The following SEPTIN7 variants were observed in gnomAD, a reference collection of about 807,000 sequenced individuals.
The protein encoded by SEPTIN7 is septin 7.
A neutral mutation model predicts 63.3 loss-of-function variants in SEPTIN7; 10 were observed. That is an observed-to-expected ratio of 0.16 (90% CI 0.10 to 0.27). The LOEUF is 0.27. Ranked by LOEUF, SEPTIN7 falls within the 10% of genes least tolerant of loss-of-function variation. SEPTIN7 has a pLI of 1.00. For synonymous variants in SEPTIN7, 131 were observed against 165.3 expected, an observed-to-expected ratio of 0.79 and a Z score of 1.59; for missense variants, 310 against 521.0, an observed-to-expected ratio of 0.59 and a Z score of 3.94.
chr7:35,890,845 C>G, intron 11 of SEPTIN7, 52 bp downstream of exon 11: 1 of 1,326,924 alleles, frequency 7.5e-7, no homozygotes, highest in Non-Finnish European at 9.7e-7. Context: ...AGTCAATAAT[C>G]ATATTGTTTC....
chr7:35,853,296 T>C (rs1164432208), intron 3 of SEPTIN7, among the ~76,000 whole-genome samples: 1 of 152,058 alleles, frequency 6.6e-6, no homozygotes, highest in Non-Finnish European at 1.5e-5. Flanking sequence ...TGTGGTGGCA[T>C]GCACCTGTAG....
chr7:35,895,504 G>A (rs970099231), intron 11 of SEPTIN7, among the ~76,000 whole-genome samples: 3 of 152,124 alleles, frequency 2.0e-5, no homozygotes, highest in Admixed American at 6.5e-5. Flanking sequence ...ACACACATTT[G>A]CAGGTTTAAA....
At chr7:35,897,101 G>A (rs1474257025) in intron 11 of SEPTIN7, among the ~76,000 whole-genome samples, 1 of 152,052 alleles carries the variant, frequency 6.6e-6, no homozygotes, top group Non-Finnish European at 1.5e-5. Flanking sequence ...AAAGTTACGG[G>A]TGAAATCCAA....
chr7:35,863,528 GAT>G (rs1334002965), intron 3 of SEPTIN7, 22 bp from the exon 4 acceptor site: 1 of 1,431,804 alleles, frequency 7.0e-7, no homozygotes, highest in Non-Finnish European at 9.7e-7. Flanking sequence ...GAGTTTAACA[GAT>G]ATTTTCCCTT....
At chr7:35,885,482 C>G (rs1306694541) in intron 9 of SEPTIN7, among the ~76,000 whole-genome samples, 4 of 152,078 alleles carry the variant, frequency 2.6e-5, no homozygotes, top group Non-Finnish European at 5.9e-5. Flanking sequence ...AAGTGATTCT[C>G]CCTTCACTCA....
At chr7:35,890,501 GTGTAAA>G in intron 10 of SEPTIN7, 161 bp from the exon 11 acceptor site, 3 of 448,340 alleles carry the variant, frequency 6.7e-6, no homozygotes, top group African/African-American at 6.1e-5. Context: ...TTTACTTTGA[GTGTAAA>G]TGAAAACAGA....
At chr7:35,911,079 C>A (rs1788732779), downstream of SEPTIN7, among the ~76,000 whole-genome samples, 1 of 152,190 alleles carries the variant, frequency 6.6e-6, no homozygotes, top group Non-Finnish European at 1.5e-5. Flanking sequence ...AGGACCCCAA[C>A]TGTCACGAGC....
the SEPTIN7 span, among the ~76,000 whole-genome samples, chr7:35,915,019 A>G: frequency 6.6e-6 from 1 of 151,758 alleles, no homozygotes; most frequent in Non-Finnish European, 1.5e-5. Flanking sequence ...GTGTACATAT[A>G]TGTATACATG....
At chr7:35,898,924 T>G (rs528411662) in intron 12 of SEPTIN7, 2 of 152,392 alleles carry the variant, frequency 1.3e-5, no homozygotes, top group South Asian at 4.1e-4. Context: ...TAATGTAGTG[T>G]CAAGGTAGTT....
chr7:35,807,706 C>T (rs1346518220), intron 1 of SEPTIN7, among the ~76,000 whole-genome samples: 2 of 152,100 alleles, frequency 1.3e-5, no homozygotes, highest in Non-Finnish European at 2.9e-5. Context: ...CCACATTGGT[C>T]AGGCTGGTCT....
intron 12 of SEPTIN7, chr7:35,900,695 C>T (rs1386475780): frequency 2.0e-5 from 3 of 152,154 alleles, no homozygotes; most frequent in Non-Finnish European, 4.4e-5. Context: ...TATTTTAGGA[C>T]ATGTTGCTAA....
intron 10 of SEPTIN7, among the ~76,000 whole-genome samples, chr7:35,889,128 T>C (rs1787477388): frequency 6.6e-6 from 1 of 152,192 alleles, no homozygotes; most frequent in Non-Finnish European, 1.5e-5. Context: ...ATGGTCATGG[T>C]TGGAATGCTT....
chr7:35,856,247 T>C (rs1033218666), intron 3 of SEPTIN7, among the ~76,000 whole-genome samples: 1 of 152,214 alleles, frequency 6.6e-6, no homozygotes, highest in Non-Finnish European at 1.5e-5. Context: ...ATGTATTCTT[T>C]TTAGATTGGC....
chr7:35,843,250 TTG>T (rs1784496339), intron 3 of SEPTIN7, among the ~76,000 whole-genome samples: 2 of 152,214 alleles, frequency 1.3e-5, no homozygotes, highest in African/African-American at 2.4e-5. Flanking sequence ...CTTACCTCTC[TTG>T]TGCTGTGATG....
intron 6 of SEPTIN7, among the ~76,000 whole-genome samples, chr7:35,874,335 T>G (rs766776137): frequency 6.6e-6 from 1 of 152,168 alleles, no homozygotes; most frequent in Non-Finnish European, 1.5e-5. Flanking sequence ...GACCTAAGAA[T>G]CTAGACATTA....
intron 1 of SEPTIN7, among the ~76,000 whole-genome samples, chr7:35,816,400 T>A (rs535356939): frequency 4.6e-4 from 70 of 152,346 alleles, no homozygotes; most frequent in African/African-American, 1.7e-3. Context: ...GTAGCATGTC[T>A]CAGTAGTACT....
intron 3 of SEPTIN7, among the ~76,000 whole-genome samples, chr7:35,843,953 A>G (rs529688379): frequency 1.3e-5 from 2 of 152,320 alleles, no homozygotes; most frequent in Non-Finnish European, 1.5e-5. Context: ...CAAGTTTTTA[A>G]TGATCAAAGG....
chr7:35,843,725 A>G (rs1303343530), intron 3 of SEPTIN7, among the ~76,000 whole-genome samples: 1 of 152,244 alleles, frequency 6.6e-6, no homozygotes, highest in Non-Finnish European at 1.5e-5. Flanking sequence ...GCAGAGTTAT[A>G]ATATTTACAT....
At chr7:35,801,705 G>A (rs1368387670) in intron 1 of SEPTIN7, among the ~76,000 whole-genome samples, 2 of 152,134 alleles carry the variant, frequency 1.3e-5, no homozygotes, top group East Asian at 3.9e-4. Flanking sequence ...AAGTCCCCTC[G>A]TGGGGCAGTG....
Sources: allele counts gnomAD v4.1 joint callset (sites outside exome capture counted in the v4.1 genomes callset), GRCh38; gene constraint gnomAD v4.1.1; transcripts MANE v1.5; gene names NCBI Gene and HGNC (gene_info 2026-07-23, HGNC 2026-07-21).